Variants in ZDHHC14 observed in about 807,000 individuals in gnomAD.
The protein encoded by ZDHHC14 is palmitoyltransferase ZDHHC14.
In ZDHHC14, 16 loss-of-function variants were observed where a neutral mutation model predicts 47.7. That is an observed-to-expected ratio of 0.34 (90% confidence interval 0.23 to 0.51). The LOEUF is 0.51. Among genes scored for constraint, ZDHHC14 ranks in the 20% least tolerant of loss-of-function variants. ZDHHC14 has a pLI of 0.97. For synonymous variants in ZDHHC14, 293 were observed against 278.9 expected, an observed-to-expected ratio of 1.05 and a Z score of -0.50; for missense variants, 515 against 662.5, an observed-to-expected ratio of 0.78 and a Z score of 2.44.
chr6:157,634,969 G>C (rs1776900162), intron 5 of ZDHHC14, among the ~76,000 whole-genome samples: 1 of 152,064 alleles, frequency 6.6e-6, no homozygotes, highest in South Asian at 2.1e-4. Flanking sequence ...GCTGTGTGTA[G>C]AGTGGCCTTG....
intron 3 of ZDHHC14, among the ~76,000 whole-genome samples, chr6:157,604,573 A>T (rs541530876): frequency 5.1e-4 from 76 of 149,690 alleles, no homozygotes; most frequent in African/African-American, 1.7e-3. Context: ...TTTGAGACGG[A>T]TTCTTGCTCT....
intron 1 of ZDHHC14, among the ~76,000 whole-genome samples, chr6:157,505,270 T>G (rs1408436508): frequency 6.6e-6 from 1 of 152,228 alleles, no homozygotes; most frequent in Non-Finnish European, 1.5e-5. Flanking sequence ...GGATCTAATC[T>G]TTAGTTGGGT....
At chr6:157,449,025 C>T (rs1023421682) in intron 1 of ZDHHC14, among the ~76,000 whole-genome samples, 1 of 152,154 alleles carries the variant, frequency 6.6e-6, no homozygotes, top group South Asian at 2.1e-4. Flanking sequence ...AAGGCCAGGC[C>T]GAGAGTGAAG....
At chr6:157,603,778 GGCAGC>G in intron 3 of ZDHHC14, among the ~76,000 whole-genome samples, 1 of 152,280 alleles carries the variant, frequency 6.6e-6, no homozygotes, top group Admixed American at 6.5e-5. Flanking sequence ...CTGAAGGGAG[GGCAGC>G]TACCTGTGGT....
At chr6:157,500,669 G>A (rs1562450475) in intron 1 of ZDHHC14, among the ~76,000 whole-genome samples, 1 of 152,192 alleles carries the variant, frequency 6.6e-6, no homozygotes, top group Non-Finnish European at 1.5e-5. Context: ...TAGAGATGCT[G>A]TGGACCACAA....
intron 1 of ZDHHC14, among the ~76,000 whole-genome samples, chr6:157,399,679 C>T (rs750357930): frequency 1.2e-4 from 19 of 152,256 alleles, no homozygotes; most frequent in Non-Finnish European, 1.5e-4. Context: ...GGGTTGACCC[C>T]GGCAAGGGCT....
At chr6:157,415,149 G>C (rs1225180190) in intron 1 of ZDHHC14, among the ~76,000 whole-genome samples, 2 of 152,044 alleles carry the variant, frequency 1.3e-5, no homozygotes, top group Non-Finnish European at 2.9e-5. Flanking sequence ...TTTTCAATCG[G>C]TACATCTTGA....
At chr6:157,605,709 G>A (rs1784513350) in intron 3 of ZDHHC14, among the ~76,000 whole-genome samples, 1 of 152,190 alleles carries the variant, frequency 6.6e-6, no homozygotes. Context: ...TTTAACATGT[G>A]AGGAAGGCCA....
intron 1 of ZDHHC14, among the ~76,000 whole-genome samples, chr6:157,428,605 T>C (rs2114778384): frequency 6.6e-6 from 1 of 152,226 alleles, no homozygotes; most frequent in African/African-American, 2.4e-5. Context: ...GGCGCATTCC[T>C]GCTTAGCGAG....
At chr6:157,667,342 C>T (rs779689893) in intron 8 of ZDHHC14, among the ~76,000 whole-genome samples, 20 of 151,844 alleles carry the variant, frequency 1.3e-4, no homozygotes, top group East Asian at 1.9e-4. Context: ...AAAAAGCGAG[C>T]GGTGATGTCT....
chr6:157,404,677 G>A (rs1777708919), intron 1 of ZDHHC14, among the ~76,000 whole-genome samples: 1 of 152,154 alleles, frequency 6.6e-6, no homozygotes, highest in Admixed American at 6.5e-5. Context: ...TGGGGCAGGT[G>A]GCACTGTGCT....
At chr6:157,641,820 A>T (rs967644467) in intron 5 of ZDHHC14, among the ~76,000 whole-genome samples, 1 of 152,186 alleles carries the variant, frequency 6.6e-6, no homozygotes, top group African/African-American at 2.4e-5. Context: ...TTGGTGCAGT[A>T]ATTTATCTAT....
intron 3 of ZDHHC14, among the ~76,000 whole-genome samples, chr6:157,608,357 C>T (rs533996701): frequency 6.6e-6 from 1 of 152,224 alleles, no homozygotes; most frequent in South Asian, 2.1e-4. Context: ...TAGAGATACC[C>T]ACCGAGAAGC....
At chr6:157,627,394 C>T (rs537810018) in intron 3 of ZDHHC14, among the ~76,000 whole-genome samples, 4 of 152,262 alleles carry the variant, frequency 2.6e-5, no homozygotes, top group East Asian at 1.9e-4. Context: ...CCTCCCCAGC[C>T]GCCACAGGCA....
rs2114930103 is a variant in ZDHHC14, at chr6:157,615,710, T to C, written c.566-12639T>C. 1.3e-5 allele frequency among the ~76,000 whole-genome samples: 2 copies of C among 152,330 alleles called. 1 individual carries two copies. The highest frequency in any genetic ancestry group is 4.1e-4 in the South Asian group (2 of 4,828). ...TGTGGTGTTTCATAAGGGGGCAGCATCGCACCCTAGGAACTTCACTCAGAG... is the reference window on the plus strand; with the variant it reads ...TGTGGTGTTTCATAAGGGGGCAGCACCGCACCCTAGGAACTTCACTCAGAG... On this transcript the variant is annotated intron_variant, in intron 3 of 8. Coordinates refer to ENST00000359775, the MANE Select transcript of ZDHHC14 (RefSeq NM_024630.3).
In ZDHHC14 at chr6:157,435,361, A is replaced by G. The variant is rs1778417638; in HGVS notation, c.245+53095A>G. 1.3e-5 allele frequency among the ~76,000 whole-genome samples: 2 copies of G among 152,220 alleles called. 1 individual carries two copies. Among genetic ancestry groups the G allele is most frequent in the South Asian group, 4.1e-4 (2 of 4,834 alleles). On this transcript the variant is annotated intron_variant, in intron 1 of 8. Transcript: ENST00000359775. ...GCACACATGGAGGGAGGGTAGGAGA[A>G]GGGAGGGAAGGAGGGACTGCAGAAA...
At chr6:157,424,077 C>T (rs1455323624) in intron 1 of ZDHHC14, among the ~76,000 whole-genome samples, 2 of 152,192 alleles carry the variant, frequency 1.3e-5, no homozygotes, top group South Asian at 2.1e-4. Context: ...ACAGTCTGTT[C>T]GCACCCAAAC....
chr6:157,577,725 T>C (rs1172458216), intron 2 of ZDHHC14, among the ~76,000 whole-genome samples: 1 of 152,168 alleles, frequency 6.6e-6, no homozygotes, highest in Non-Finnish European at 1.5e-5. Context: ...AATTTTTGTA[T>C]TTTTAGTAGA....
intron 5 of ZDHHC14, among the ~76,000 whole-genome samples, chr6:157,639,379 A>G (rs747868139): frequency 2.0e-4 from 31 of 152,190 alleles, no homozygotes; most frequent in Non-Finnish European, 3.7e-4. Context: ...ACCTCGGCTC[A>G]CTGCAACCTC....
Sources: allele counts gnomAD v4.1 joint callset (sites outside exome capture counted in the v4.1 genomes callset), GRCh38; gene constraint gnomAD v4.1.1; transcripts MANE v1.5; gene names NCBI Gene and HGNC (gene_info 2026-07-23, HGNC 2026-07-21).